Variants in GPC5 observed in about 807,000 individuals in gnomAD.
The protein encoded by GPC5 is glypican 5.
Under a neutral mutation model 53.9 loss-of-function variants are expected in GPC5, and 47 were observed. The observed-to-expected ratio is 0.87, with a 90% CI of 0.69 to 1.11. The LOEUF (loss-of-function observed/expected upper bound fraction) is 1.11. Ranked by LOEUF, GPC5 falls within the 50% of genes most tolerant of loss-of-function variation. The pLI is 0.00. For synonymous variants in GPC5, 286 were observed against 263.3 expected, an observed-to-expected ratio of 1.09 and a Z score of -0.84; for missense variants, 748 against 713.1, an observed-to-expected ratio of 1.05 and a Z score of -0.56.
chr13:91,678,970 GTTTGAC>G (rs1241279448), intron 2 of GPC5, among the ~76,000 whole-genome samples: 1 of 152,042 alleles, frequency 6.6e-6, no homozygotes, highest in Non-Finnish European at 1.5e-5. Context: ...GTTCTGTGGA[GTTTGAC>G]TTTGTCCTGG....
intron 7 of GPC5, among the ~76,000 whole-genome samples, chr13:92,810,088 C>T (rs1255220433): frequency 1.3e-5 from 2 of 151,986 alleles, no homozygotes; most frequent in African/African-American, 2.4e-5. Flanking sequence ...TAATAAAGCC[C>T]TCAAATAAAC....
intron 7 of GPC5, among the ~76,000 whole-genome samples, chr13:92,837,054 G>C (rs763571333): frequency 3.3e-5 from 5 of 152,208 alleles, no homozygotes; most frequent in Admixed American, 6.5e-5. Context: ...TTATGGAAGA[G>C]ACCTGATATC....
At chr13:92,193,314 G>C (rs1388293267) in intron 7 of GPC5, among the ~76,000 whole-genome samples, 1 of 152,044 alleles carries the variant, frequency 6.6e-6, no homozygotes, top group Non-Finnish European at 1.5e-5. Flanking sequence ...AGAGTTTACT[G>C]GTTCATAACT....
At chr13:92,749,145 G>T (rs968730471) in intron 7 of GPC5, among the ~76,000 whole-genome samples, 3 of 152,108 alleles carry the variant, frequency 2.0e-5, no homozygotes, top group African/African-American at 7.2e-5. Flanking sequence ...GTACTTAGTG[G>T]ATTTTTAAGT....
At chr13:91,498,409 G>A (rs907795427) in intron 2 of GPC5, among the ~76,000 whole-genome samples, 1 of 152,036 alleles carries the variant, frequency 6.6e-6, no homozygotes, top group Non-Finnish European at 1.5e-5. Flanking sequence ...CCTGTCTTGT[G>A]GGCTGGGAAC....
chr13:92,501,644 G>A (rs1240376184), intron 7 of GPC5, among the ~76,000 whole-genome samples: 1 of 152,020 alleles, frequency 6.6e-6, no homozygotes, highest in Non-Finnish European at 1.5e-5. Context: ...CCGAGACACA[G>A]CATAATCCAA....
At chr13:92,519,362 G>T (rs1440619798) in intron 7 of GPC5, among the ~76,000 whole-genome samples, 1 of 152,048 alleles carries the variant, frequency 6.6e-6, no homozygotes, top group Non-Finnish European at 1.5e-5. Context: ...TTCCAAAATT[G>T]ACCACATAGT....
chr13:92,406,121 A>G (rs901993040), intron 7 of GPC5, among the ~76,000 whole-genome samples: 1 of 152,194 alleles, frequency 6.6e-6, no homozygotes, highest in African/African-American at 2.4e-5. Context: ...ATGCAAACCC[A>G]CTTTACATTT....
At chr13:92,324,905 G>T (rs1214054493) in intron 7 of GPC5, among the ~76,000 whole-genome samples, 3 of 151,646 alleles carry the variant, frequency 2.0e-5, no homozygotes, top group Non-Finnish European at 4.4e-5. Flanking sequence ...CATTATCTTG[G>T]CACCCCCAAA....
intron 7 of GPC5, among the ~76,000 whole-genome samples, chr13:92,655,749 A>G (rs775820257): frequency 2.0e-5 from 3 of 152,162 alleles, no homozygotes; most frequent in African/African-American, 7.2e-5. Flanking sequence ...TGCTTCTATT[A>G]CCAGAATTTC....
At chr13:91,959,102 A>ACACAC (rs3029785) in intron 6 of GPC5, among the ~76,000 whole-genome samples, 1 of 146,682 alleles carries the variant, frequency 6.8e-6, no homozygotes, top group Non-Finnish European at 1.5e-5. Context: ...ACACACACAC[A>ACACAC]TCAATGATGA....
intron 7 of GPC5, among the ~76,000 whole-genome samples, chr13:92,256,187 A>T (rs1370124136): frequency 6.6e-6 from 1 of 151,824 alleles, no homozygotes; most frequent in Non-Finnish European, 1.5e-5. Flanking sequence ...TAAATATATA[A>T]CTATTTTTGT....
intron 7 of GPC5, among the ~76,000 whole-genome samples, chr13:92,568,414 G>C (rs1236480029): frequency 6.6e-6 from 1 of 152,112 alleles, no homozygotes; most frequent in Non-Finnish European, 1.5e-5. Flanking sequence ...ATTTAGTATT[G>C]CTCAGCACGG....
At chr13:92,397,144 A>G (rs1875319557) in intron 7 of GPC5, among the ~76,000 whole-genome samples, 1 of 152,214 alleles carries the variant, frequency 6.6e-6, no homozygotes, top group African/African-American at 2.4e-5. Context: ...GCAATTTGTC[A>G]AAGTTACCTT....
At chr13:92,298,800 GCT>G (rs977006425) in intron 7 of GPC5, among the ~76,000 whole-genome samples, 10 of 152,258 alleles carry the variant, frequency 6.6e-5, no homozygotes, top group African/African-American at 2.4e-4. Flanking sequence ...TCCACACGCT[GCT>G]CTGTCTGTCC....
In GPC5 at chr13:92,651,448, T is replaced by C. The variant is rs145748037; in HGVS notation, c.1562-214834T>C. 3.7e-3 allele frequency among the ~76,000 whole-genome samples: 562 copies of C among 152,174 alleles called. 5 individuals are homozygous for C. The highest frequency in any genetic ancestry group is 6.8e-3 in the South Asian group (33 of 4,826). On this transcript the variant is annotated intron_variant, in intron 7 of 7. Transcript: ENST00000377067. ...GAGAGAAACATCAATCAAATCCCAA[T>C]TGAGGGGCATTCTACAAAATACCTG...
chr13:92,419,282 T>A (rs1025499508), intron 7 of GPC5, among the ~76,000 whole-genome samples: 44 of 152,204 alleles, frequency 2.9e-4, no homozygotes, highest in Non-Finnish European at 1.0e-4. Flanking sequence ...AGTATTATTT[T>A]TTTTTTCCAG....
intron 7 of GPC5, among the ~76,000 whole-genome samples, chr13:92,844,536 A>ATGTGTGTGTG (rs36093777): frequency 6.0e-5 from 9 of 149,746 alleles, no homozygotes; most frequent in Admixed American, 6.0e-4. Flanking sequence ...TACAGGAAAA[A>ATGTGTGTGTG]TGTGTGTGTG....
chr13:91,941,038 T>C (rs1189988248), intron 6 of GPC5, among the ~76,000 whole-genome samples: 1 of 152,162 alleles, frequency 6.6e-6, no homozygotes, highest in Non-Finnish European at 1.5e-5. Context: ...CAATTGCTTT[T>C]GGCAACTTAG....
Sources: gnomAD v4.1 joint callset for allele counts (sites outside exome capture counted in the v4.1 genomes callset) on GRCh38, gnomAD v4.1.1 for gene constraint, MANE v1.5 for transcripts, NCBI Gene and HGNC (gene_info 2026-07-23, HGNC 2026-07-21) for gene names.